Variants in SH3PXD2A observed in about 807,000 individuals in gnomAD.
The protein encoded by SH3PXD2A is SH3 and PX domains 2A.
Under a neutral mutation model 115.2 loss-of-function variants are expected in SH3PXD2A, and 32 were observed. The observed-to-expected ratio is 0.28, with a 90% CI of 0.21 to 0.37. The LOEUF is 0.37. Ranked by LOEUF, SH3PXD2A falls within the 10% of genes least tolerant of loss-of-function variation. The pLI, the probability that SH3PXD2A is intolerant of heterozygous loss-of-function variation, is 1.00. For synonymous variants in SH3PXD2A, 610 were observed against 629.1 expected, an observed-to-expected ratio of 0.97 and a Z score of 0.45; for missense variants, 1,328 against 1,498.7, an observed-to-expected ratio of 0.89 and a Z score of 1.88.
chr10:103,827,674 C>T lies in SH3PXD2A; in HGVS notation c.73-26312G>A, dbSNP rs181551056. Among the ~76,000 whole-genome samples, 912 of 152,294 alleles carry T rather than the reference C, an allele frequency of 6.0e-3. 12 individuals carry two copies. The highest frequency in any genetic ancestry group is 6.4e-3 in the Non-Finnish European group (436 of 68,030). ...GACATCCCATGCGGTTTGTGGTACC[C>T]AGTTCTGCTGGGCCTGGTGGATTAT... On this transcript the variant is annotated intron_variant, in intron 1 of 14. Coordinates refer to ENST00000369774, the MANE Select transcript of SH3PXD2A (RefSeq NM_001394015.1).
chr10:103,603,731 C>T lies in SH3PXD2A; in HGVS notation c.1487G>A (p.Trp496Ter). 2 of 1,611,204 alleles carry T rather than the reference C, an allele frequency of 1.2e-6. No homozygotes were observed. The highest frequency in any genetic ancestry group is 1.7e-6 in the Non-Finnish European group (2 of 1,179,936). ...CTTATCGATGTATGATGCGGGGGCCCAGCCCTCCTTCTCACCGATCTGCAC... is the reference window on the plus strand; with the variant it reads ...CTTATCGATGTATGATGCGGGGGCCTAGCCCTCCTTCTCACCGATCTGCAC... The part of the protein sequence containing the change: ...WYVQIGEKEG[W>*]APASYIDKRK... The change falls in exon 15 of 15, where the codon TGG becomes TAG. Residue 496 changes from tryptophan to a stop codon, truncating the protein, a stop_gained. Transcript: ENST00000369774. LOFTEE classifies it high-confidence loss of function.
chr10:103,801,400 A>T, intron 1 of SH3PXD2A, 38 bp from the exon 2 acceptor site: 1 of 1,321,214 alleles, frequency 7.6e-7, no homozygotes, highest in South Asian at 1.2e-5. Context: ...GCAAGGCTGG[A>T]TTTCAAGCTG....
intron 8 of SH3PXD2A, among the ~76,000 whole-genome samples, chr10:103,645,135 G>T (rs924300666): frequency 2.0e-5 from 3 of 152,182 alleles, no homozygotes; most frequent in Non-Finnish European, 2.9e-5. Context: ...CTTAGGTTTG[G>T]GTTGGCCAGT....
At chr10:103,794,307 G>C (rs1236225843) in intron 2 of SH3PXD2A, among the ~76,000 whole-genome samples, 1 of 152,138 alleles carries the variant, frequency 6.6e-6, no homozygotes, top group Non-Finnish European at 1.5e-5. Flanking sequence ...TCTTCCAAGC[G>C]GTGCAGGGGA....
At chr10:103,806,232 T>C (rs545201474) in intron 1 of SH3PXD2A, among the ~76,000 whole-genome samples, 1 of 151,816 alleles carries the variant, frequency 6.6e-6, no homozygotes, top group African/African-American at 2.4e-5. Context: ...AGAGTCTAAA[T>C]CTTGGGTTGA....
At chr10:103,694,980 A>G (rs1220488470) in intron 5 of SH3PXD2A, among the ~76,000 whole-genome samples, 1 of 152,220 alleles carries the variant, frequency 6.6e-6, no homozygotes, top group Non-Finnish European at 1.5e-5. Context: ...TGTGCAGGGA[A>G]TTCCTGAGAG....
intron 9 of SH3PXD2A, among the ~76,000 whole-genome samples, chr10:103,623,554 C>T (rs971158285): frequency 2.6e-5 from 4 of 151,988 alleles, no homozygotes; most frequent in Admixed American, 6.6e-5. Context: ...ATAAAACCGT[C>T]CCAGACCACC....
chr10:103,613,600 G>C (rs888603797), intron 11 of SH3PXD2A, among the ~76,000 whole-genome samples: 3 of 152,164 alleles, frequency 2.0e-5, no homozygotes, highest in African/African-American at 7.2e-5. Flanking sequence ...GAGGTAAATG[G>C]CCTGTAGGAA....
chr10:103,639,112 G>A (rs1479412477), intron 8 of SH3PXD2A, among the ~76,000 whole-genome samples: 1 of 152,202 alleles, frequency 6.6e-6, no homozygotes, highest in African/African-American at 2.4e-5. Context: ...CTTGTGCTGG[G>A]TGCGGCAGGG....
intron 5 of SH3PXD2A, among the ~76,000 whole-genome samples, chr10:103,703,701 T>C (rs992501117): frequency 6.6e-6 from 1 of 152,238 alleles, no homozygotes; most frequent in Non-Finnish European, 1.5e-5. Context: ...AAACACTGAA[T>C]TGTGACCAGT....
chr10:103,724,896 G>GT (rs2038222448), intron 4 of SH3PXD2A, among the ~76,000 whole-genome samples: 1 of 152,156 alleles, frequency 6.6e-6, no homozygotes, highest in African/African-American at 2.4e-5. Flanking sequence ...CACAGAATAA[G>GT]TCCAAGATCC....
intron 2 of SH3PXD2A, among the ~76,000 whole-genome samples, chr10:103,775,428 G>A (rs140382510): frequency 2.6e-5 from 4 of 152,282 alleles, no homozygotes; most frequent in Non-Finnish European, 5.9e-5. Context: ...AAAGCCAGGC[G>A]ATGGGAGTTT....
chr10:103,797,747 G>A (rs1405067789), intron 2 of SH3PXD2A, among the ~76,000 whole-genome samples: 1 of 151,478 alleles, frequency 6.6e-6, no homozygotes, highest in African/African-American at 2.4e-5. Context: ...GTGAGGGGGT[G>A]GGGAAGGGCT....
intron 4 of SH3PXD2A, among the ~76,000 whole-genome samples, chr10:103,734,577 C>T (rs1443732006): frequency 2.0e-5 from 3 of 152,190 alleles, no homozygotes; most frequent in South Asian, 4.2e-4. Context: ...GGCAAAACCA[C>T]GTCTCTACTA....
intron 6 of SH3PXD2A, among the ~76,000 whole-genome samples, chr10:103,690,143 A>G (rs534568101): frequency 2.0e-5 from 3 of 152,226 alleles, no homozygotes; most frequent in African/African-American, 7.2e-5. Flanking sequence ...CCCACCACCC[A>G]TCATGTACTG....
intron 3 of SH3PXD2A, among the ~76,000 whole-genome samples, chr10:103,761,385 C>T (rs1315471710): frequency 6.6e-6 from 1 of 152,174 alleles, no homozygotes; most frequent in African/African-American, 2.4e-5. Flanking sequence ...TCTTGTGAGT[C>T]TCTAATTATT....
chr10:103,828,433 G>A (rs1204190521), intron 1 of SH3PXD2A, among the ~76,000 whole-genome samples: 1 of 152,142 alleles, frequency 6.6e-6, no homozygotes, highest in Non-Finnish European at 1.5e-5. Context: ...CACCCTCCCT[G>A]GGGGTGGCCC....
At chr10:103,710,331 C>T (rs576965037) in intron 5 of SH3PXD2A, among the ~76,000 whole-genome samples, 1 of 151,650 alleles carries the variant, frequency 6.6e-6, no homozygotes, top group East Asian at 1.9e-4. Flanking sequence ...GTCGAGATCG[C>T]ACCATTGCAC....
chr10:103,817,328 C>T (rs1337906423), intron 1 of SH3PXD2A, among the ~76,000 whole-genome samples: 1 of 151,906 alleles, frequency 6.6e-6, no homozygotes, highest in Non-Finnish European at 1.5e-5. Context: ...CTCAAGTAGG[C>T]CCCAGTGTCT....
Sources: gnomAD v4.1 joint callset for allele counts (sites outside exome capture counted in the v4.1 genomes callset) on GRCh38, gnomAD v4.1.1 for gene constraint, MANE v1.5 for transcripts, NCBI Gene and HGNC (gene_info 2026-07-23, HGNC 2026-07-21) for gene names.